Variants in DPYSL2 observed in about 807,000 individuals in gnomAD.
DPYSL2 encodes the protein dihydropyrimidinase like 2.
A neutral mutation model predicts 69.9 loss-of-function variants in DPYSL2; 13 were observed. The observed-to-expected ratio is 0.19, with a 90% CI of 0.12 to 0.30. DPYSL2 has a LOEUF of 0.30. DPYSL2 is among the 10% of genes least tolerant of loss of function. The pLI, the probability that DPYSL2 is intolerant of heterozygous loss-of-function variation, is 1.00. For missense variants in DPYSL2, 587 were observed against 918.9 expected, an observed-to-expected ratio of 0.64 and a Z score of 4.67; for synonymous variants, 326 against 359.1, an observed-to-expected ratio of 0.91 and a Z score of 1.04.
Position 26,652,110 on chromosome 8 carries a change from A to G in DPYSL2, c.1597-147A>G. 1 of 585,854 alleles carries G rather than the reference A, an allele frequency of 1.7e-6. No individual in the cohort carries two copies. The highest frequency in any genetic ancestry group is 2.8e-6 in the Non-Finnish European group (1 of 361,988). The allele number at this position is 585,854 out of a possible 1,614,324, so 36.3% of individuals were successfully genotyped here. A position where few individuals can be genotyped will look rare whatever the true frequency, so the allele number is the denominator to read the frequency against. ...CAGGGAAATGGAGACACAGCAAGTA[A>G]GTGCCTGCTGGGGTGCCCAGTTGGG... On this transcript the variant is annotated intron_variant, in intron 11 of 13. Transcript: ENST00000521913. The surrounding 1 kb of genome is among the most constrained non-coding windows in gnomAD (Gnocchi z 6.3).
At chr8:26,552,860 T>G (rs1485889412) in intron 1 of DPYSL2, among the ~76,000 whole-genome samples, 1 of 152,182 alleles carries the variant, frequency 6.6e-6, no homozygotes, top group African/African-American at 2.4e-5. Flanking sequence ...CGGATGAAGT[T>G]TCATGTGAGA....
chr8:26,579,954 G>GCCCCC (rs56385974), intron 1 of DPYSL2, among the ~76,000 whole-genome samples: 3 of 122,566 alleles, frequency 2.4e-5, no homozygotes, highest in Non-Finnish European at 3.3e-5. Flanking sequence ...TTTAAAGAGC[G>GCCCCC]CCCCCCCCCC....
intron 3 of DPYSL2, among the ~76,000 whole-genome samples, chr8:26,595,648 G>C (rs906308723): frequency 1.3e-5 from 2 of 152,212 alleles, no homozygotes; most frequent in Non-Finnish European, 2.9e-5. Flanking sequence ...GCAGGGTCGT[G>C]CTGCTGGAAG....
At chr8:26,530,123 A>AAAAAG (rs1240746086) in intron 1 of DPYSL2, among the ~76,000 whole-genome samples, 1 of 151,246 alleles carries the variant, frequency 6.6e-6, no homozygotes, top group African/African-American at 2.4e-5. Context: ...CAAAAAAAAA[A>AAAAAG]AAAAAAAAAA....
At chr8:26,592,932 T>A (rs185550555) in intron 3 of DPYSL2, among the ~76,000 whole-genome samples, 1 of 152,332 alleles carries the variant, frequency 6.6e-6, no homozygotes, top group Admixed American at 6.5e-5. Context: ...TTCTCTCTTC[T>A]TAAGAAGTGA....
chr8:26,595,436 A>G (rs1801837392), intron 3 of DPYSL2, among the ~76,000 whole-genome samples: 1 of 152,082 alleles, frequency 6.6e-6, no homozygotes, highest in African/African-American at 2.4e-5. Flanking sequence ...AACTCTTGCT[A>G]TCTTTGAATT....
chr8:26,548,393 G>A (rs1009264177), intron 1 of DPYSL2: 16 of 230,832 alleles, frequency 6.9e-5, no homozygotes, highest in Non-Finnish European at 1.1e-4. Flanking sequence ...AAGAGAAGCC[G>A]TCTATATACT....
intron 1 of DPYSL2, among the ~76,000 whole-genome samples, chr8:26,569,368 AAACAAAAAC>A (rs1801201768): frequency 7.7e-6 from 1 of 129,144 alleles, no homozygotes; most frequent in Non-Finnish European, 1.6e-5. Context: ...AAAAAAACAA[AAACAAAAAC>A]AAAAAAAAAC....
At position 26,640,029 on chromosome 8, in the gene DPYSL2, G is replaced by C. The variant is rs998844011; in HGVS notation, c.1127-3410G>C. 6.6e-6 allele frequency among the ~76,000 whole-genome samples: 1 copy of C among 152,196 alleles called. No individual in the cohort carries two copies. ...GCAAAGGAGAATGGTGAGAGCGTGTGTAACTGTCTGTCTGTCTGTCCATCC... is the reference window on the plus strand; with the variant it reads ...GCAAAGGAGAATGGTGAGAGCGTGTCTAACTGTCTGTCTGTCTGTCCATCC... On this transcript the variant is annotated intron_variant, in intron 8 of 13. Coordinates refer to ENST00000521913, the MANE Select transcript of DPYSL2 (RefSeq NM_001197293.3). This position sits in a 1 kb window ranked among gnomAD's most constrained non-coding sequence, Gnocchi z 4.2.
At chr8:26,628,673 G>A (rs1345777289) in intron 7 of DPYSL2, among the ~76,000 whole-genome samples, 2 of 152,218 alleles carry the variant, frequency 1.3e-5, no homozygotes, top group Non-Finnish European at 2.9e-5. Context: ...GTGCAATCAG[G>A]GAATCTCCAG....
chr8:26,550,293 T>C (rs913836128), intron 1 of DPYSL2, among the ~76,000 whole-genome samples: 14 of 152,134 alleles, frequency 9.2e-5, no homozygotes, highest in African/African-American at 2.9e-4. Flanking sequence ...AGGGACATAA[T>C]TGATTTTTTG....
At chr8:26,603,843 C>T (rs576493197) in intron 3 of DPYSL2, among the ~76,000 whole-genome samples, 4 of 152,240 alleles carry the variant, frequency 2.6e-5, no homozygotes, top group East Asian at 1.9e-4. Context: ...AATATTTCAT[C>T]GTATATATAG....
intron 1 of DPYSL2, among the ~76,000 whole-genome samples, chr8:26,540,495 A>T (rs1258653081): frequency 6.6e-6 from 1 of 152,252 alleles, no homozygotes; most frequent in Non-Finnish European, 1.5e-5. Flanking sequence ...GGAAATGGAC[A>T]TCCAGATTTC....
At position 26,514,718 on chromosome 8, in the gene DPYSL2, C is replaced by G; in HGVS notation, c.354+39C>G. 6 of 1,045,776 alleles carry G rather than the reference C, an allele frequency of 5.7e-6. No individual in the cohort carries two copies. Among genetic ancestry groups the G allele is most frequent in the East Asian group, 3.4e-5 (1 of 29,278 alleles). 64.8% of individuals were successfully genotyped at this position (1,045,776 alleles called of 1,614,324 possible). The stretch of plus-strand genomic sequence containing the variant: ...TTGGGGGTGGAGACGGAGGACGGGG[C>G]GCGGGGATCGCCCCTCCCTCGCCCC... On this transcript the variant is annotated intron_variant, in intron 1 of 13. Coordinates refer to ENST00000521913, the MANE Select transcript of DPYSL2 (RefSeq NM_001197293.3). The surrounding 1 kb of genome is among the most constrained non-coding windows in gnomAD (Gnocchi z 8.4).
rs540612356 is a variant in DPYSL2, at chr8:26,634,807, A to G, written c.1033A>G (p.Ile345Val). 49 of 1,614,084 alleles carry G rather than the reference A, an allele frequency of 3.0e-5. No homozygotes were observed. Among genetic ancestry groups the G allele is most frequent in the Non-Finnish European group, 4.1e-5 (48 of 1,180,040 alleles). Residue 345 changes from isoleucine (I) to valine (V), a missense_variant, in exon 8 of 14, where the codon ATC becomes GTC. By Grantham distance (29) the Ile-to-Val change is conservative (BLOSUM62 3). This residue lies in a region of DPYSL2 where 452 missense variants were observed against 754.3 expected (regional missense o/e 0.60). Transcript: ENST00000521913. ...EVEAEAVNRA[I>V]TIANQTNCPL... ...CGAGGCCGAAGCCGTGAATCGTGCCATCACCATCGCCAACCAGACCAACTG... is the reference window on the plus strand; with the variant it reads ...CGAGGCCGAAGCCGTGAATCGTGCCGTCACCATCGCCAACCAGACCAACTG...
Position 26,562,201 on chromosome 8 carries a change from G to A in DPYSL2, c.355-19768G>A, listed in dbSNP as rs962933651. ...AGGGCTTGATTCCTGGCTCTGCCAC[G>A]TGTGAGTTTTGGGTCCTGGGGAAAG... On this transcript the variant is annotated intron_variant, in intron 1 of 13. Transcript: ENST00000521913. The surrounding 1 kb of genome is among the most constrained non-coding windows in gnomAD (Gnocchi z 4.9). Among the ~76,000 whole-genome samples, 6 of 152,162 alleles carry A rather than the reference G, an allele frequency of 3.9e-5. No homozygotes were observed. Among genetic ancestry groups the A allele is most frequent in the Admixed American group, 6.5e-5 (1 of 15,274 alleles).
At position 26,565,351 on chromosome 8, in the gene DPYSL2, T is replaced by C. The variant is rs1801131457; in HGVS notation, c.355-16618T>C. ...ACAGAAGTGGTTAGGGAATAGTGAA[T>C]TTTAGGGCTGCCCCAGGATTGGGAG... On this transcript the variant is annotated intron_variant, in intron 1 of 13. Transcript: ENST00000521913. The surrounding 1 kb of genome is among the most constrained non-coding windows in gnomAD (Gnocchi z 4.1). Among the ~76,000 whole-genome samples, 6 of 152,246 alleles carry C rather than the reference T, an allele frequency of 3.9e-5. 1 individual carries two copies. In the South Asian group the frequency reaches 1.2e-3, roughly 32 times the overall value.
intron 1 of DPYSL2, among the ~76,000 whole-genome samples, chr8:26,568,882 G>A (rs1020248385): frequency 2.6e-5 from 4 of 152,108 alleles, no homozygotes; most frequent in East Asian, 1.9e-4. Flanking sequence ...AGAGGAACCC[G>A]GCTGCAGTTA....
intron 1 of DPYSL2, among the ~76,000 whole-genome samples, chr8:26,526,756 C>T (rs1452311707): frequency 6.6e-6 from 1 of 152,216 alleles, no homozygotes; most frequent in Non-Finnish European, 1.5e-5. Flanking sequence ...TGTAGTCGAT[C>T]CAGTTGGGTT....
Sources: gnomAD v4.1 joint callset for allele counts (sites outside exome capture counted in the v4.1 genomes callset) on GRCh38, gnomAD v4.1.1 for gene constraint, gnomAD v4.1.1 regional missense constraint, Gnocchi (gnomAD v3.1) non-coding constraint, MANE v1.5 for transcripts, NCBI Gene and HGNC (gene_info 2026-07-23, HGNC 2026-07-21) for gene names.